Variants in WDR44 observed in about 807,000 individuals in gnomAD.
WDR44 encodes WD repeat domain 44.
A neutral mutation model predicts 65.7 loss-of-function variants in WDR44; 9 were observed. The ratio of observed to expected loss-of-function variants is 0.14; its 90% CI spans 0.08 to 0.24. WDR44 has a LOEUF of 0.24. Among genes scored for constraint, WDR44 ranks in the 10% least tolerant of loss-of-function variants. The probability of loss-of-function intolerance (pLI) is 1.00; values close to 1 mark genes in which losing one functional copy is unlikely to be tolerated. For missense variants in WDR44, 425 were observed against 670.9 expected, an observed-to-expected ratio of 0.63 and a Z score of 4.05; for synonymous variants, 220 against 235.2, an observed-to-expected ratio of 0.94 and a Z score of 0.59.
chrX:118,431,483 A>G (rs1440325461), intron 12 of WDR44, among the ~76,000 whole-genome samples: 1 of 110,617 alleles, frequency 9.0e-6, no homozygotes, highest in Non-Finnish European at 1.9e-5. Context: ...CTGTGTTTTT[A>G]GTAGGGACGG....
chrX:118,406,313 C>G (rs186918684), intron 9 of WDR44, among the ~76,000 whole-genome samples: 2 of 111,033 alleles, frequency 1.8e-5, no homozygotes, highest in Admixed American at 1.9e-4. Context: ...TATCTGTAAT[C>G]CCAACACTTT....
At chrX:118,353,643 A>G (rs1331737194) in intron 1 of WDR44, among the ~76,000 whole-genome samples, 1 of 112,606 alleles carries the variant, frequency 8.9e-6, no homozygotes, top group East Asian at 2.8e-4. Flanking sequence ...TTCTCAATCC[A>G]GTGTTAGTCA....
At chrX:118,429,091 A>G (rs1340320256) in intron 12 of WDR44, among the ~76,000 whole-genome samples, 1 of 111,055 alleles carries the variant, frequency 9.0e-6, no homozygotes, top group African/African-American at 3.3e-5. Flanking sequence ...ACAATAGCCA[A>G]TGCATGTGGG....
intron 14 of WDR44, among the ~76,000 whole-genome samples, chrX:118,440,771 G>A (rs2057297912): frequency 9.0e-6 from 1 of 110,878 alleles, no homozygotes; most frequent in African/African-American, 3.3e-5. Flanking sequence ...CTTCTTCCAT[G>A]CAATACACAC....
At chrX:118,434,143 A>G (rs1362663427) in intron 13 of WDR44, among the ~76,000 whole-genome samples, 1 of 112,042 alleles carries the variant, frequency 8.9e-6, no homozygotes, top group East Asian at 2.8e-4. Context: ...GAAATCATAA[A>G]TTTTTTATAC....
At chrX:118,414,853 A>G (rs977909829) in intron 12 of WDR44, among the ~76,000 whole-genome samples, 5 of 111,533 alleles carry the variant, frequency 4.5e-5, no homozygotes. Context: ...TCTTTACCCC[A>G]TTTGAATGCC....
At chrX:118,350,175 T>C (rs2056392508) in intron 1 of WDR44, among the ~76,000 whole-genome samples, 1 of 112,224 alleles carries the variant, frequency 8.9e-6, no homozygotes, top group African/African-American at 3.2e-5. Context: ...GATAGGAATT[T>C]TGCAAGATCA....
At chrX:118,406,839 T>C in intron 9 of WDR44, 36 bp from the exon 10 acceptor site, 1 of 1,134,547 alleles carries the variant, frequency 8.8e-7, no homozygotes, top group Non-Finnish European at 1.2e-6. Flanking sequence ...AATATCTACA[T>C]TAGCTAGTAG....
chrX:118,433,716 G>A (rs1462085663), intron 13 of WDR44, among the ~76,000 whole-genome samples: 1 of 111,671 alleles, frequency 9.0e-6, no homozygotes, highest in African/African-American at 3.3e-5. Flanking sequence ...ATTAATATTA[G>A]CAGTGATGAT....
chrX:118,377,093 C>A (rs2056667158), intron 1 of WDR44, among the ~76,000 whole-genome samples: 1 of 110,552 alleles, frequency 9.0e-6, no homozygotes, highest in Non-Finnish European at 1.9e-5. Flanking sequence ...CACAGTGGTT[C>A]GTTCCTGTAA....
rs776528870 is a variant in WDR44 at position 118,394,020 on chromosome X, G to A, written c.827-35G>A. 18 of 1,159,776 alleles carry A rather than the reference G, an allele frequency of 1.6e-5. No homozygotes were observed. The South Asian group carries it at 3.3e-4, about 21-fold the overall frequency. ...GTTGTTACAAGAATCAAACAAAAAG[G>A]GTTGTTATTATTGTTGTTATTATTA... is the stretch of plus-strand genomic sequence containing the variant. On this transcript the variant is annotated intron_variant, in intron 4 of 19. Transcript: ENST00000254029.
At chrX:118,383,094 C>A (rs2056733642) in intron 2 of WDR44, among the ~76,000 whole-genome samples, 1 of 111,752 alleles carries the variant, frequency 8.9e-6, no homozygotes, top group South Asian at 3.7e-4. Flanking sequence ...ATTAAGAAGT[C>A]TTCTCTGGAG....
intron 3 of WDR44, among the ~76,000 whole-genome samples, chrX:118,390,377 A>T (rs1163441809): frequency 8.9e-6 from 1 of 111,806 alleles, no homozygotes; most frequent in Non-Finnish European, 1.9e-5. Context: ...CATGAGGCAT[A>T]TCAAGAGGCA....
intron 12 of WDR44, among the ~76,000 whole-genome samples, chrX:118,430,700 G>A (rs746938529): frequency 9.0e-6 from 1 of 111,539 alleles, no homozygotes; most frequent in East Asian, 2.8e-4. Context: ...AATTAACCAG[G>A]CGTGGTGGCA....
intron 12 of WDR44, among the ~76,000 whole-genome samples, chrX:118,412,501 G>T (rs1022781292): frequency 9.0e-6 from 1 of 111,222 alleles, no homozygotes; most frequent in African/African-American, 3.3e-5. Context: ...TTAACCCAGA[G>T]AAATGGTTAC....
intron 1 of WDR44, among the ~76,000 whole-genome samples, chrX:118,371,479 A>G (rs1425645641): frequency 1.8e-5 from 2 of 111,690 alleles, no homozygotes; most frequent in Admixed American, 1.9e-4. Flanking sequence ...CAGTATGTAA[A>G]GTGAAGAATA....
At chrX:118,346,654 C>T (rs2056353384) in intron 1 of WDR44, 74 bp downstream of exon 1, 1 of 828,460 alleles carries the variant, frequency 1.2e-6, no homozygotes, top group Non-Finnish European at 1.7e-6. Context: ...CCCCCTACAC[C>T]CCTCCCAGGT....
chrX:118,404,039 T>C (rs949263504), intron 8 of WDR44, among the ~76,000 whole-genome samples: 7 of 112,073 alleles, frequency 6.2e-5, no homozygotes, highest in African/African-American at 2.3e-4. Flanking sequence ...ACCTACACTT[T>C]AAACACTCCC....
At chrX:118,378,381 C>T (rs747034714) in intron 1 of WDR44, 38 bp from the exon 2 acceptor site, 1 of 1,155,168 alleles carries the variant, frequency 8.7e-7, no homozygotes, top group Non-Finnish European at 1.2e-6. Context: ...CTTCTCATCT[C>T]CTCTATTCAA....
Sources: gnomAD v4.1 joint callset for allele counts (sites outside exome capture counted in the v4.1 genomes callset) on GRCh38, gnomAD v4.1.1 for gene constraint, MANE v1.5 for transcripts, NCBI Gene and HGNC (gene_info 2026-07-23, HGNC 2026-07-21) for gene names.